The following RNLS variants were observed in gnomAD, a reference collection of about 807,000 sequenced individuals.
The protein encoded by RNLS is renalase.
A neutral mutation model predicts 39.8 loss-of-function variants in RNLS; 39 were observed. The observed-to-expected ratio is 0.98, with a 90% CI of 0.76 to 1.28. The LOEUF (loss-of-function observed/expected upper bound fraction) is 1.28, where lower values mean the gene tolerates loss of function less well. RNLS is among the 50% of genes most tolerant of loss of function. The probability of loss-of-function intolerance (pLI) is 0.00; values close to 1 mark genes in which losing one functional copy is unlikely to be tolerated. For missense variants in RNLS, 410 were observed against 413.3 expected (o/e 0.99, Z 0.07); for synonymous variants, 147 against 150.7 (o/e 0.98, Z 0.18).
chr10:88,195,388 A>G, the RNLS span, among the ~76,000 whole-genome samples: 9 of 152,180 alleles, frequency 5.9e-5, no homozygotes, highest in Non-Finnish European at 1.0e-4. Context: ...TGGATAGACA[A>G]TACTGCTTTT....
chr10:88,229,904 C>T, the RNLS span, among the ~76,000 whole-genome samples: 1 of 152,000 alleles, frequency 6.6e-6, no homozygotes, highest in Non-Finnish European at 1.5e-5. Flanking sequence ...TTCTGCTTAT[C>T]CATTTCTTGG....
the RNLS span, among the ~76,000 whole-genome samples, chr10:88,181,584 G>A: frequency 4.0e-4 from 61 of 152,204 alleles, no homozygotes; most frequent in African/African-American, 9.9e-4. Context: ...CATGAACATC[G>A]TTGTAGCTAA....
At chr10:88,422,854 T>C (rs1311344194) in intron 4 of RNLS, among the ~76,000 whole-genome samples, 2 of 152,044 alleles carry the variant, frequency 1.3e-5, no homozygotes, top group Non-Finnish European at 2.9e-5. Context: ...GCCTCAAACT[T>C]CTGGACTCAA....
At chr10:88,441,714 A>G (rs781521921) in intron 4 of RNLS, among the ~76,000 whole-genome samples, 32 of 152,174 alleles carry the variant, frequency 2.1e-4, no homozygotes, top group Non-Finnish European at 1.9e-4. Context: ...TGGGGAAGAA[A>G]TTGTTCTGTA....
intron 5 of RNLS, among the ~76,000 whole-genome samples, chr10:88,345,558 A>G (rs1433720361): frequency 2.0e-5 from 3 of 152,192 alleles, no homozygotes; most frequent in Non-Finnish European, 4.4e-5. Flanking sequence ...CTGTCTCTCA[A>G]AATAAAAATT....
rs1347424424 is a variant in RNLS, at chr10:88,362,734, G to T, written c.527-9C>A. 2 of 1,603,372 alleles carry T rather than the reference G, an allele frequency of 1.2e-6. No individual in the cohort carries two copies. Among genetic ancestry groups the T allele is most frequent in the Non-Finnish European group, 1.7e-6 (2 of 1,176,210 alleles). ...TTGGCATTCACTAATTACTGTGGAA[G>T]AAAAAATAAAAGGCATCAAACTTAA... On this transcript the variant is annotated splice_polypyrimidine_tract_variant and intron_variant, in intron 4 of 6. Coordinates refer to ENST00000331772, the MANE Select transcript of RNLS (RefSeq NM_001031709.3).
the RNLS span, among the ~76,000 whole-genome samples, chr10:88,232,965 A>C: frequency 6.6e-6 from 1 of 152,182 alleles, no homozygotes; most frequent in Non-Finnish European, 1.5e-5. Context: ...ATCCTGTGTT[A>C]CTCTCAACTC....
At chr10:88,367,909 A>T (rs1364739956) in intron 4 of RNLS, among the ~76,000 whole-genome samples, 1 of 152,110 alleles carries the variant, frequency 6.6e-6, no homozygotes, top group East Asian at 1.9e-4. Flanking sequence ...TGAATCTTAA[A>T]TATGAATTTA....
the RNLS span, among the ~76,000 whole-genome samples, chr10:88,201,352 AAG>A: frequency 2.6e-5 from 4 of 152,150 alleles, no homozygotes; most frequent in Non-Finnish European, 1.5e-5. Flanking sequence ...TGATGAACAG[AAG>A]AGAGTGAAAG....
intron 4 of RNLS, among the ~76,000 whole-genome samples, chr10:88,547,125 A>G (rs114908229): frequency 1.3e-3 from 195 of 152,342 alleles, no homozygotes; most frequent in African/African-American, 4.4e-3. Context: ...TAAAGGAGAT[A>G]TCAACACCTT....
At chr10:88,438,728 CAACAG>C (rs1465688787) in intron 4 of RNLS, among the ~76,000 whole-genome samples, 2 of 152,144 alleles carry the variant, frequency 1.3e-5, no homozygotes, top group Non-Finnish European at 2.9e-5. Flanking sequence ...ATATTTATTT[CAACAG>C]TGTGGGCTGA....
At chr10:88,195,977 G>A in the RNLS span, among the ~76,000 whole-genome samples, 3 of 152,054 alleles carry the variant, frequency 2.0e-5, no homozygotes, top group African/African-American at 4.8e-5. Flanking sequence ...GTTTAATTAG[G>A]ATACTTGTTC....
At chr10:88,406,355 T>C (rs1423178631) in intron 4 of RNLS, among the ~76,000 whole-genome samples, 3 of 152,116 alleles carry the variant, frequency 2.0e-5, no homozygotes, top group African/African-American at 7.2e-5. Context: ...CTCAGGAACA[T>C]TGATTATTCT....
the RNLS span, among the ~76,000 whole-genome samples, chr10:88,215,982 G>A: frequency 6.6e-6 from 1 of 152,052 alleles, no homozygotes; most frequent in South Asian, 2.1e-4. Flanking sequence ...TTAGGTGTAA[G>A]CCACCGTGCC....
Position 88,362,728 on chromosome 10 carries a change from G to A in RNLS, c.527-3C>T. ...CTGCCTTTGGCATTCACTAATTACT[G>A]TGGAAGAAAAAATAAAAGGCATCAA... On this transcript the variant is annotated splice_polypyrimidine_tract_variant and splice_region_variant and intron_variant, in intron 4 of 6. Transcript: ENST00000331772. 1.9e-6 allele frequency: 3 copies of A among 1,605,460 alleles called. No individual in the cohort carries two copies. The highest frequency in any genetic ancestry group is 1.1e-5 in the South Asian group (1 of 89,166).
intron 4 of RNLS, among the ~76,000 whole-genome samples, chr10:88,417,937 C>T (rs552343884): frequency 1.2e-4 from 18 of 152,270 alleles, no homozygotes; most frequent in African/African-American, 3.6e-4. Flanking sequence ...TGTATAATTA[C>T]TCACTTTCCC....
At chr10:88,231,942 C>CTG in the RNLS span, among the ~76,000 whole-genome samples, 613 of 149,774 alleles carry the variant, frequency 4.1e-3, 4 homozygotes, top group East Asian at 6.9e-3. Flanking sequence ...CACAGGATTT[C>CTG]TGTGTGTGTG....
intron 4 of RNLS, among the ~76,000 whole-genome samples, chr10:88,373,289 T>C (rs973112154): frequency 2.0e-5 from 3 of 152,132 alleles, no homozygotes; most frequent in Non-Finnish European, 4.4e-5. Context: ...CTGAAATCTG[T>C]GGTATTGAAG....
At chr10:88,337,055 C>T (rs1161505814) in intron 5 of RNLS, among the ~76,000 whole-genome samples, 1 of 152,050 alleles carries the variant, frequency 6.6e-6, no homozygotes, top group Non-Finnish European at 1.5e-5. Context: ...AGAGAGTACT[C>T]CCTATTTTAG....
Sources: allele counts gnomAD v4.1 joint callset (sites outside exome capture counted in the v4.1 genomes callset), GRCh38; gene constraint gnomAD v4.1.1; transcripts MANE v1.5; gene names NCBI Gene and HGNC (gene_info 2026-07-23, HGNC 2026-07-21).